Variants in NEURL1 observed in about 807,000 individuals in gnomAD.
NEURL1 encodes E3 ubiquitin-protein ligase NEURL1.
In NEURL1, 26 loss-of-function variants were observed where a neutral mutation model predicts 41.2. That is an observed-to-expected ratio of 0.63 (90% CI 0.46 to 0.87). The LOEUF (loss-of-function observed/expected upper bound fraction) is 0.87. NEURL1 is among the 40% of genes least tolerant of loss of function. NEURL1 has a pLI of 0.00. For synonymous variants in NEURL1, 400 were observed against 402.3 expected (o/e 0.99, Z 0.07); for missense variants, 761 against 871.1 (o/e 0.87, Z 1.59).
chr10:103,494,904 G>A (rs1409990837), intron 1 of NEURL1, among the ~76,000 whole-genome samples: 1 of 152,164 alleles, frequency 6.6e-6, no homozygotes, highest in Non-Finnish European at 1.5e-5. Context: ...CCAATGGGAG[G>A]GTTTTAAAAA....
chr10:103,507,180 G>A (rs1446114137), intron 1 of NEURL1, among the ~76,000 whole-genome samples: 2 of 152,212 alleles, frequency 1.3e-5, no homozygotes, highest in African/African-American at 4.8e-5. Flanking sequence ...CTTGCAGGAT[G>A]ATGCTCTTAG....
intron 1 of NEURL1, among the ~76,000 whole-genome samples, chr10:103,498,229 T>C (rs1172648829): frequency 6.6e-6 from 1 of 152,186 alleles, no homozygotes. Flanking sequence ...GGCTACCTCC[T>C]TTTATTTTTT....
chr10:103,575,893 C>A (rs913214926), intron 3 of NEURL1, among the ~76,000 whole-genome samples: 2 of 152,230 alleles, frequency 1.3e-5, no homozygotes, highest in Non-Finnish European at 2.9e-5. Context: ...GCTCCTATCC[C>A]AGTATCTCAA....
At chr10:103,555,666 C>T (rs905662762) in intron 1 of NEURL1, among the ~76,000 whole-genome samples, 11 of 152,090 alleles carry the variant, frequency 7.2e-5, no homozygotes, top group African/African-American at 2.7e-4. Flanking sequence ...GGAGGTCAGG[C>T]AGCTGAGGCT....
intron 1 of NEURL1, among the ~76,000 whole-genome samples, chr10:103,540,407 A>G (rs2034795823): frequency 6.6e-6 from 1 of 152,082 alleles, no homozygotes; most frequent in Admixed American, 6.5e-5. Flanking sequence ...CTCCTGCCTC[A>G]GCCTCCTGAG....
intron 1 of NEURL1, among the ~76,000 whole-genome samples, chr10:103,526,037 AT>A (rs1164220050): frequency 2.6e-5 from 4 of 152,014 alleles, no homozygotes; most frequent in African/African-American, 9.7e-5. Context: ...TGTTGATGTG[AT>A]ATATTGTGTT....
intron 1 of NEURL1, chr10:103,494,746 G>A: frequency 2.3e-6 from 1 of 443,738 alleles, no homozygotes. Context: ...CTGAAGAGAT[G>A]GGAAAGGATG....
chr10:103,498,359 TG>T (rs1387304879), intron 1 of NEURL1, among the ~76,000 whole-genome samples: 1 of 152,180 alleles, frequency 6.6e-6, no homozygotes, highest in Non-Finnish European at 1.5e-5. Context: ...CCCGAGTAGC[TG>T]GGACTACAGG....
chr10:103,513,224 G>A (rs747441339), intron 1 of NEURL1, among the ~76,000 whole-genome samples: 1 of 152,224 alleles, frequency 6.6e-6, no homozygotes, highest in Admixed American at 6.5e-5. Flanking sequence ...CCTTGCCCCA[G>A]TGCTCCAGAG....
At chr10:103,565,031 GT>G (rs1445193798) in intron 1 of NEURL1, among the ~76,000 whole-genome samples, 5 of 152,178 alleles carry the variant, frequency 3.3e-5, no homozygotes, top group Admixed American at 2.0e-4. Flanking sequence ...CCCAGCCCTG[GT>G]TTAGAAGAGT....
intron 1 of NEURL1, chr10:103,550,939 G>T (rs1312069897): frequency 2.0e-5 from 3 of 152,234 alleles, no homozygotes; most frequent in African/African-American, 7.2e-5. Context: ...CACACAGTAA[G>T]CGATCAATAA....
At chr10:103,516,776 G>C (rs2034217475) in intron 1 of NEURL1, among the ~76,000 whole-genome samples, 1 of 152,116 alleles carries the variant, frequency 6.6e-6, no homozygotes, top group Non-Finnish European at 1.5e-5. Context: ...AGGGGACCTG[G>C]AATAACCAGT....
rs140118013 is a variant in NEURL1, at chr10:103,556,659, A to G, written c.86-14213A>G. On this transcript the variant is annotated intron_variant, in intron 1 of 5. Coordinates refer to ENST00000369780, the MANE Select transcript of NEURL1 (RefSeq NM_004210.5). This position sits in a 1 kb window ranked among gnomAD's most constrained non-coding sequence, Gnocchi z 4.4. The stretch of plus-strand genomic sequence containing the variant: ...AAAAGCAAATCATTGGCTCTCTTAA[A>G]AGGAAATGAATTCCGTCCTGGGTTT... Among the ~76,000 whole-genome samples, 3 of 152,362 alleles carry G rather than the reference A, an allele frequency of 2.0e-5. No homozygotes were observed. The East Asian group carries it at 5.8e-4, about 29-fold the overall frequency.
intron 3 of NEURL1, chr10:103,577,553 A>G (rs2035691748): frequency 6.6e-6 from 1 of 152,334 alleles, no homozygotes; most frequent in Non-Finnish European, 1.5e-5. Flanking sequence ...CTTGGGCTAC[A>G]TTACCTTCCA....
intron 1 of NEURL1, among the ~76,000 whole-genome samples, chr10:103,560,762 C>T (rs1404330064): frequency 2.6e-5 from 4 of 152,150 alleles, no homozygotes; most frequent in Admixed American, 6.5e-5. Flanking sequence ...TGCACCAGTG[C>T]GACAGATCTG....
At chr10:103,532,831 C>G (rs1471778757) in intron 1 of NEURL1, among the ~76,000 whole-genome samples, 1 of 150,746 alleles carries the variant, frequency 6.6e-6, no homozygotes, top group African/African-American at 2.4e-5. Flanking sequence ...CTTCCTTGAT[C>G]TGGATGTCCA....
chr10:103,575,173 G>C (rs941736451), intron 3 of NEURL1, among the ~76,000 whole-genome samples: 4 of 145,428 alleles, frequency 2.8e-5, no homozygotes, highest in African/African-American at 1.0e-4. Flanking sequence ...CCCACTTCCC[G>C]CCCCTCCCTC....
intron 4 of NEURL1, 93 bp downstream of exon 4, chr10:103,585,318 G>A (rs1227376553): frequency 8.8e-7 from 1 of 1,138,716 alleles, no homozygotes; most frequent in Non-Finnish European, 1.2e-6. Flanking sequence ...CTTCCTCCAG[G>A]CTCATGATGG....
intron 1 of NEURL1, among the ~76,000 whole-genome samples, chr10:103,541,484 C>T (rs1249712932): frequency 6.6e-6 from 1 of 152,202 alleles, no homozygotes; most frequent in African/African-American, 2.4e-5. Context: ...GCCAGAGCCA[C>T]AGTCCCTGGC....
Sources: allele counts gnomAD v4.1 joint callset (sites outside exome capture counted in the v4.1 genomes callset), GRCh38; gene constraint gnomAD v4.1.1; non-coding constraint Gnocchi (gnomAD v3.1); transcripts MANE v1.5; gene names NCBI Gene and HGNC (gene_info 2026-07-23, HGNC 2026-07-21).